Variants in BTBD2 observed in about 807,000 individuals in gnomAD.
BTBD2 encodes BTB/POZ domain-containing protein 2.
Under a neutral mutation model 44.0 loss-of-function variants are expected in BTBD2, and 15 were observed. That is an observed-to-expected ratio of 0.34 (90% CI 0.23 to 0.53). The LOEUF (loss-of-function observed/expected upper bound fraction) is 0.53, where lower values mean the gene tolerates loss of function less well. BTBD2 is among the 20% of genes least tolerant of loss of function. The pLI is 0.95. For missense variants in BTBD2, 657 were observed against 746.4 expected (o/e 0.88, Z 1.39); for synonymous variants, 443 against 335.9 (o/e 1.32, Z -3.49).
intron 3 of BTBD2, chr19:1,991,084 G>A (rs2145623180): frequency 2.5e-6 from 1 of 407,814 alleles, no homozygotes; most frequent in East Asian, 5.0e-5. Flanking sequence ...AGATGCTCAG[G>A]TCCCTGTCGG....
At chr19:2,012,080 T>C (rs2016472373) in intron 1 of BTBD2, among the ~76,000 whole-genome samples, 2 of 151,908 alleles carry the variant, frequency 1.3e-5, no homozygotes, top group African/African-American at 2.4e-5. Context: ...GGTCTCAAAC[T>C]CCTGACCTCA....
chr19:1,999,093 G>A (rs760805171), intron 1 of BTBD2, among the ~76,000 whole-genome samples: 2 of 152,088 alleles, frequency 1.3e-5, no homozygotes, highest in South Asian at 2.1e-4. Flanking sequence ...GAAAGCCCCC[G>A]TCTTCCGAGG....
chr19:2,000,203 G>A (rs1443381447), intron 1 of BTBD2, among the ~76,000 whole-genome samples: 5 of 152,090 alleles, frequency 3.3e-5, no homozygotes, highest in African/African-American at 1.2e-4. Flanking sequence ...CCCCCCCAGT[G>A]TGTGGGCATT....
chr19:2,005,245 G>A (rs1040918994), intron 1 of BTBD2, among the ~76,000 whole-genome samples: 54 of 152,134 alleles, frequency 3.5e-4, no homozygotes, highest in Admixed American at 1.3e-4. Flanking sequence ...GGGCATTCAC[G>A]CACGAGGCTG....
chr19:1,987,161 G>C lies in BTBD2; in HGVS notation c.1269+5C>G, dbSNP rs1374597738. 6.2e-7 allele frequency: 1 copy of C among 1,613,386 alleles called. No homozygotes were observed. Reference sequence around the variant, plus strand: ...GGGCCTGGGGATGAGGCTTGGGGCTGGTACCTGGATGTTCACTTGGTAGTC... The same window carrying C: ...GGGCCTGGGGATGAGGCTTGGGGCTCGTACCTGGATGTTCACTTGGTAGTC... On this transcript the variant is annotated splice_donor_5th_base_variant and intron_variant, in intron 7 of 8. Transcript: ENST00000255608.
In BTBD2 at chr19:1,990,837, C is replaced by T. The variant is rs746945983; in HGVS notation, c.685-15G>A. The T allele has an allele frequency of 1.5e-5, 23 of 1,544,306 alleles. No homozygotes were observed. The highest frequency in any genetic ancestry group is 8.2e-5 in the African/African-American group (6 of 73,072). ...AAGAGTCGCGCCTGGCAAGAGACAT[C>T]GACGGGGGGCGCGGTGGGGACATCA... On this transcript the variant is annotated splice_polypyrimidine_tract_variant and intron_variant, in intron 3 of 8. Coordinates refer to ENST00000255608, the MANE Select transcript of BTBD2 (RefSeq NM_017797.4).
chr19:1,994,958 T>C (rs1476293715), intron 2 of BTBD2, among the ~76,000 whole-genome samples: 2 of 152,064 alleles, frequency 1.3e-5, no homozygotes, highest in African/African-American at 2.4e-5. Context: ...GAAGATTTGA[T>C]TCTGGTTTTT....
chr19:1,992,780 C>T lies in BTBD2; in HGVS notation c.684+240G>A, dbSNP rs944346505. Among the ~76,000 whole-genome samples the T allele has an allele frequency of 5.9e-5, 9 of 151,950 alleles. No homozygotes were observed. The East Asian group carries it at 1.7e-3, about 29-fold the overall frequency. The stretch of plus-strand genomic sequence containing the variant: ...AGAGATAGGATTTCGCCATGTTGGC[C>T]AGGCTGGTCTGGAACGCCTGAGCTC... On this transcript the variant is annotated intron_variant, in intron 3 of 8. Transcript: ENST00000255608.
At chr19:1,997,263 T>G (rs2016263201) in intron 2 of BTBD2, 81 bp downstream of exon 2, 1 of 1,584,796 alleles carries the variant, frequency 6.3e-7, no homozygotes, top group African/African-American at 1.3e-5. Context: ...GCCTCTGAGC[T>G]GGTGTCAGAC....
intron 1 of BTBD2, among the ~76,000 whole-genome samples, chr19:2,007,539 G>T (rs1014640548): frequency 5.3e-5 from 8 of 152,086 alleles, no homozygotes; most frequent in African/African-American, 1.9e-4. Flanking sequence ...GGCTTCAAAA[G>T]ATCTTCCCGC....
intron 2 of BTBD2, 86 bp from the exon 3 acceptor site, chr19:1,993,262 G>C: frequency 6.8e-7 from 1 of 1,466,010 alleles, no homozygotes; most frequent in Non-Finnish European, 9.0e-7. Context: ...CAGACCGTTA[G>C]ACTCGGCCAC....
At chr19:1,989,704 G>A (rs1568214867) in intron 5 of BTBD2, 6 of 435,548 alleles carry the variant, frequency 1.4e-5, no homozygotes, top group Non-Finnish European at 1.7e-5. Context: ...ACCTGCACCA[G>A]CAGGTAGCAC....
rs1389913054 is a variant in BTBD2, at chr19:1,997,334, G to A, written c.527+10C>T. 1 of 1,614,080 alleles carries A rather than the reference G, an allele frequency of 6.2e-7. No homozygotes were observed. The highest frequency in any genetic ancestry group is 1.6e-4 in the Middle Eastern group (1 of 6,062). On this transcript the variant is annotated intron_variant, in intron 2 of 8. Transcript: ENST00000255608. ...CCAGCTCCCCAGCAGGAAGCATCCG[G>A]AAGCATTACTTGAGCAGTGCGAGGA... is the stretch of plus-strand genomic sequence containing the variant.
intron 1 of BTBD2, among the ~76,000 whole-genome samples, chr19:2,013,299 G>A (rs776062337): frequency 5.3e-5 from 8 of 152,188 alleles, no homozygotes; most frequent in Non-Finnish European, 8.8e-5. Context: ...AAGAGGGACC[G>A]GGGAGTGGAG....
chr19:2,013,256 C>T (rs1435674086), intron 1 of BTBD2, among the ~76,000 whole-genome samples: 1 of 152,214 alleles, frequency 6.6e-6, no homozygotes, highest in East Asian at 1.9e-4. Flanking sequence ...CAAGAAAACC[C>T]AGCCCCTGCC....
At chr19:1,987,281 G>A (rs577870236) in intron 6 of BTBD2, 28 bp from the exon 7 acceptor site, 41 of 1,610,790 alleles carry the variant, frequency 2.5e-5, no homozygotes, top group Middle Eastern at 1.7e-4. Context: ...AGGCAGCAGC[G>A]TGGATACCCA....
Position 1,993,507 on chromosome 19 carries a change from C to A in BTBD2, c.528-331G>T, listed in dbSNP as rs554957756. 2.0e-5 allele frequency among the ~76,000 whole-genome samples: 3 copies of A among 152,252 alleles called. No individual in the cohort carries two copies. The South Asian group carries it at 6.2e-4, about 32-fold the overall frequency. On this transcript the variant is annotated intron_variant, in intron 2 of 8. Coordinates refer to ENST00000255608, the MANE Select transcript of BTBD2 (RefSeq NM_017797.4). ...AGAGGGCACTGGGAGCTGGGTGTCTCCTTCTTGGGCACCTTTTCCATGAGG... is the reference window on the plus strand; with the variant it reads ...AGAGGGCACTGGGAGCTGGGTGTCTACTTCTTGGGCACCTTTTCCATGAGG...
At position 1,986,454 on chromosome 19, in the gene BTBD2, C is replaced by T. The variant is rs757272777; in HGVS notation, c.*34G>A. On this transcript the variant is annotated 3_prime_UTR_variant, in exon 9 of 9. Coordinates refer to ENST00000255608, the MANE Select transcript of BTBD2 (RefSeq NM_017797.4). The stretch of plus-strand genomic sequence containing the variant: ...TGATGGCCTGGGGCTGCGGCTATCC[C>T]CACGGAGGGAGGGCGGTGTCGGTGT... 8 of 1,608,138 alleles carry T rather than the reference C, an allele frequency of 5.0e-6. No homozygotes were observed. The highest frequency in any genetic ancestry group is 1.7e-5 in the Admixed American group (1 of 59,866).
Position 1,990,059 on chromosome 19 carries a change from G to A in BTBD2, c.933C>T (p.Gly311=), listed in dbSNP as rs146648828. The change falls in exon 5 of 9, where the codon GGC becomes GGT. Residue 311 remains glycine (G), a synonymous_variant. Coordinates refer to ENST00000255608, the MANE Select transcript of BTBD2 (RefSeq NM_017797.4). Reference sequence around the variant, plus strand: ...GGAAGCGAATGAGGCCCAGGGCCTTGCCCAGAACCTTCCGCCTGTTCTCTG... The same window carrying A: ...GGAAGCGAATGAGGCCCAGGGCCTTACCCAGAACCTTCCGCCTGTTCTCTG... ...VTPENRRKVL[G]KALGLIRFPL... The A allele has an allele frequency of 4.3e-6, 7 of 1,613,214 alleles. No individual in the cohort carries two copies. The highest frequency in any genetic ancestry group is 2.7e-5 in the African/African-American group (2 of 74,938).
Sources: gnomAD v4.1 joint callset for allele counts (sites outside exome capture counted in the v4.1 genomes callset) on GRCh38, gnomAD v4.1.1 for gene constraint, MANE v1.5 for transcripts, NCBI Gene and HGNC (gene_info 2026-07-23, HGNC 2026-07-21) for gene names.